Variants in FGF12 observed in about 807,000 individuals in gnomAD.
FGF12 encodes fibroblast growth factor 12.
FGF12 carries 14 observed loss-of-function variants against 23.6 expected under a neutral mutation model. The ratio of observed to expected loss-of-function variants is 0.59; its 90% confidence interval spans 0.39 to 0.93. The LOEUF is 0.93. Among genes scored for constraint, FGF12 ranks in the 40% least tolerant of loss-of-function variants. The pLI is 0.00. For synonymous variants in FGF12, 62 were observed against 77.3 expected, an observed-to-expected ratio of 0.80 and a Z score of 1.04; for missense variants, 175 against 217.8, an observed-to-expected ratio of 0.80 and a Z score of 1.24.
intron 2 of FGF12, among the ~76,000 whole-genome samples, chr3:192,470,523 G>A (rs1723141533): frequency 6.6e-6 from 1 of 152,102 alleles, no homozygotes; most frequent in Admixed American, 6.5e-5. Context: ...CGAATATCTG[G>A]GATTAAAGTT....
At chr3:192,543,913 C>T (rs1159441183) in intron 2 of FGF12, among the ~76,000 whole-genome samples, 1 of 152,140 alleles carries the variant, frequency 6.6e-6, no homozygotes, top group Non-Finnish European at 1.5e-5. Flanking sequence ...TTTACTCTTC[C>T]CTATCCTCTC....
intron 2 of FGF12, among the ~76,000 whole-genome samples, chr3:192,655,593 GT>G (rs1464657789): frequency 6.6e-6 from 1 of 152,148 alleles, no homozygotes; most frequent in African/African-American, 2.4e-5. Flanking sequence ...TTAGATTTCT[GT>G]TACTAGTTGA....
At chr3:192,483,632 G>A (rs1485511240) in intron 2 of FGF12, among the ~76,000 whole-genome samples, 2 of 152,094 alleles carry the variant, frequency 1.3e-5, no homozygotes, top group Admixed American at 6.6e-5. Flanking sequence ...GTAAATGAGA[G>A]AAGAATTCAA....
At chr3:192,172,390 C>A (rs980034420) in intron 4 of FGF12, among the ~76,000 whole-genome samples, 2 of 147,974 alleles carry the variant, frequency 1.4e-5, no homozygotes, top group East Asian at 2.0e-4. Flanking sequence ...GGATCTCAAC[C>A]CCCCCTTCAA....
At chr3:192,581,488 A>G (rs201466868) in intron 2 of FGF12, among the ~76,000 whole-genome samples, 395 of 23,804 alleles carry the variant, frequency 0.017, 3 homozygotes, top group African/African-American at 0.057. Context: ...GTGTGTGTGT[A>G]TATATATATA....
intron 2 of FGF12, among the ~76,000 whole-genome samples, chr3:192,600,434 G>T (rs763000841): frequency 6.6e-6 from 1 of 151,772 alleles, no homozygotes; most frequent in African/African-American, 2.4e-5. Context: ...GAATATCATC[G>T]GTATTTTGAT....
rs1719264057 is a variant in FGF12, at chr3:192,727,481, T to TA, written c.-131+2dup. 3.0e-6 allele frequency: 2 copies of TA among 673,028 alleles called. No individual in the cohort carries two copies. Among genetic ancestry groups the TA allele is most frequent in the Non-Finnish European group, 4.7e-6 (2 of 425,310 alleles). The allele number at this position is 673,028 out of a possible 1,614,324, so 41.7% of individuals were successfully genotyped here. A position where few individuals can be genotyped will look rare whatever the true frequency, so the allele number is the denominator to read the frequency against. Reference sequence around the variant, plus strand: ...GCTCAGATTTTTTTTTTTTTTTTTTTACCTGGGTCTGGAAGCTGCAGGCAG... The same window carrying TA: ...GCTCAGATTTTTTTTTTTTTTTTTTTAACCTGGGTCTGGAAGCTGCAGGCAG... On this transcript the variant is annotated splice_region_variant and intron_variant, in intron 1 of 5. Transcript: ENST00000445105.
intron 2 of FGF12, 69 bp downstream of exon 2, chr3:192,727,112 C>T (rs1387723589): frequency 1.9e-6 from 3 of 1,542,278 alleles, no homozygotes; most frequent in Non-Finnish European, 2.6e-6. Context: ...ACTGCAGTCC[C>T]CTCGCCGAGG....
At chr3:192,718,043 A>G (rs1718915351) in intron 2 of FGF12, among the ~76,000 whole-genome samples, 1 of 152,038 alleles carries the variant, frequency 6.6e-6, no homozygotes, top group Non-Finnish European at 1.5e-5. Context: ...ATTGAGTGCA[A>G]TTGTTTTTTA....
intron 2 of FGF12, among the ~76,000 whole-genome samples, chr3:192,637,015 G>A (rs1261800971): frequency 6.6e-6 from 1 of 152,196 alleles, no homozygotes; most frequent in South Asian, 2.1e-4. Context: ...ACCTTAGCCT[G>A]ATTATCATAG....
At chr3:192,540,804 T>C (rs190173707) in intron 2 of FGF12, among the ~76,000 whole-genome samples, 64 of 152,314 alleles carry the variant, frequency 4.2e-4, no homozygotes, top group Non-Finnish European at 7.2e-4. Flanking sequence ...TTCCTTTATA[T>C]ATCTGGGTGC....
rs560067389 is a variant in FGF12, at chr3:192,160,009, G to A, written c.427+10449C>T. On this transcript the variant is annotated intron_variant, in intron 5 of 5. Transcript: ENST00000445105. ...ATTTCAGCACACAGACCCATTATTC[G>A]CCCAGTTCATCATGCCTAACACCTA... Among the ~76,000 whole-genome samples the A allele has an allele frequency of 7.3e-5, 11 of 151,246 alleles. No individual in the cohort carries two copies. In the South Asian group the frequency reaches 1.0e-3, roughly 14 times the overall value.
At chr3:192,353,117 A>C (rs1186815656) in intron 3 of FGF12, among the ~76,000 whole-genome samples, 2 of 152,174 alleles carry the variant, frequency 1.3e-5, no homozygotes, top group Non-Finnish European at 2.9e-5. Flanking sequence ...AAATCAGAGA[A>C]TGTTTATGTG....
intron 2 of FGF12, among the ~76,000 whole-genome samples, chr3:192,416,232 G>GA (rs1430620636): frequency 2.0e-5 from 3 of 152,104 alleles, no homozygotes; most frequent in Non-Finnish European, 4.4e-5. Context: ...TAACTGATTA[G>GA]AAAAAATCTG....
intron 2 of FGF12, among the ~76,000 whole-genome samples, chr3:192,664,133 C>A (rs944606934): frequency 6.6e-6 from 1 of 152,156 alleles, no homozygotes; most frequent in Non-Finnish European, 1.5e-5. Flanking sequence ...GCAATGTGGT[C>A]CTCGTTGTAA....
chr3:192,280,297 A>T (rs1392550763), intron 4 of FGF12, among the ~76,000 whole-genome samples: 2 of 152,234 alleles, frequency 1.3e-5, no homozygotes, highest in African/African-American at 4.8e-5. Flanking sequence ...TTAGCATTAA[A>T]TAAGAAATGT....
chr3:192,604,849 A>G (rs1030967027), intron 2 of FGF12, among the ~76,000 whole-genome samples: 1 of 152,192 alleles, frequency 6.6e-6, no homozygotes, highest in African/African-American at 2.4e-5. Context: ...GTATGGGTAC[A>G]AAGCAGATAT....
intron 2 of FGF12, among the ~76,000 whole-genome samples, chr3:192,428,879 C>T (rs1226591819): frequency 6.6e-6 from 1 of 152,070 alleles, no homozygotes; most frequent in Non-Finnish European, 1.5e-5. Flanking sequence ...TCTGGAATTA[C>T]TTCTGCTGTG....
At chr3:192,186,113 T>C (rs544939813) in intron 4 of FGF12, among the ~76,000 whole-genome samples, 1 of 152,348 alleles carries the variant, frequency 6.6e-6, no homozygotes, top group African/African-American at 2.4e-5. Context: ...GATACTATTT[T>C]TTTTTCTTGA....
Sources: gnomAD v4.1 joint callset for allele counts (sites outside exome capture counted in the v4.1 genomes callset) on GRCh38, gnomAD v4.1.1 for gene constraint, MANE v1.5 for transcripts, NCBI Gene and HGNC (gene_info 2026-07-23, HGNC 2026-07-21) for gene names.